Variants in ERC2 observed in about 807,000 individuals in gnomAD.
The protein encoded by ERC2 is ERC protein 2.
In ERC2, 42 loss-of-function variants were observed where a neutral mutation model predicts 114.8. The ratio of observed to expected loss-of-function variants is 0.37; its 90% CI spans 0.29 to 0.47. The LOEUF is 0.47. Among genes scored for constraint, ERC2 ranks in the 20% least tolerant of loss-of-function variants. ERC2 has a pLI of 0.99. For synonymous variants in ERC2, 454 were observed against 425.5 expected (o/e 1.07, Z -0.82); for missense variants, 939 against 1,150.7 (o/e 0.82, Z 2.66).
chr3:56,161,703 C>T (rs1167377564), intron 4 of ERC2, among the ~76,000 whole-genome samples: 5 of 152,096 alleles, frequency 3.3e-5, no homozygotes, highest in African/African-American at 1.2e-4. Flanking sequence ...TCAGCTTGAA[C>T]ACTATTGGTG....
At chr3:56,135,467 T>G (rs1007167421) in intron 6 of ERC2, among the ~76,000 whole-genome samples, 1 of 152,188 alleles carries the variant, frequency 6.6e-6, no homozygotes, top group Non-Finnish European at 1.5e-5. Flanking sequence ...AGTATTCAGG[T>G]GTGACCTGCC....
chr3:56,236,555 C>T (rs929661152), intron 3 of ERC2, among the ~76,000 whole-genome samples: 1 of 152,130 alleles, frequency 6.6e-6, no homozygotes, highest in Non-Finnish European at 1.5e-5. Flanking sequence ...TCACAGAAAA[C>T]GGTGTGCTTT....
At chr3:56,041,623 C>T (rs945891566) in intron 7 of ERC2, among the ~76,000 whole-genome samples, 11 of 152,116 alleles carry the variant, frequency 7.2e-5, no homozygotes, top group Non-Finnish European at 1.5e-4. Flanking sequence ...CTCCTTCTTC[C>T]TTTCCCTCTT....
intron 7 of ERC2, among the ~76,000 whole-genome samples, chr3:56,033,933 C>T (rs997450516): frequency 3.9e-5 from 6 of 152,102 alleles, no homozygotes; most frequent in African/African-American, 1.2e-4. Context: ...TACAGACTAG[C>T]AGCAGTAAGT....
intron 2 of ERC2, among the ~76,000 whole-genome samples, chr3:56,369,002 A>G (rs561102134): frequency 1.3e-5 from 2 of 152,272 alleles, no homozygotes; most frequent in East Asian, 1.9e-4. Context: ...GAGGATTCTC[A>G]GAGATCCTCT....
rs2061924922 is a variant in ERC2, at chr3:56,434,342, A to G, written c.657+9T>C. 6.2e-7 allele frequency: 1 copy of G among 1,611,668 alleles called. No individual in the cohort carries two copies. Among genetic ancestry groups the G allele is most frequent in the Non-Finnish European group, 8.5e-7 (1 of 1,179,078 alleles). On this transcript the variant is annotated intron_variant, in intron 2 of 17. Coordinates refer to ENST00000288221, the MANE Select transcript of ERC2 (RefSeq NM_015576.3). The stretch of plus-strand genomic sequence containing the variant: ...AGGCTGAAAAATACTGAGATGAGTC[A>G]TGACCTACCTGATTTTCTTCATGGG...
At chr3:56,444,683 A>G (rs2062479470) in intron 1 of ERC2, among the ~76,000 whole-genome samples, 1 of 152,188 alleles carries the variant, frequency 6.6e-6, no homozygotes, top group Non-Finnish European at 1.5e-5. Context: ...ATGGTCTGGA[A>G]CAGTCTATTT....
intron 17 of ERC2, among the ~76,000 whole-genome samples, chr3:55,561,862 C>T (rs1015112690): frequency 1.3e-5 from 2 of 152,166 alleles, no homozygotes; most frequent in African/African-American, 4.8e-5. Flanking sequence ...GGGCACAGAA[C>T]CTAAGCCAGC....
chr3:55,596,701 C>T (rs7613811), intron 17 of ERC2, among the ~76,000 whole-genome samples: 1 of 152,086 alleles, frequency 6.6e-6, no homozygotes, highest in East Asian at 1.9e-4. Context: ...CACTTGCACA[C>T]AGGAACAGAA....
rs767054115 is a variant in ERC2 at position 56,032,977 on chromosome 3, G to GAAAGAGAAAGAAAGAA, written c.1642-13947_1642-13946insTTCTTTCTTTCTCTTT. Among the ~76,000 whole-genome samples, 26 of 45,470 alleles carry GAAAGAGAAAGAAAGAA rather than the reference G, an allele frequency of 5.7e-4. 2 individuals are homozygous for GAAAGAGAAAGAAAGAA. Among genetic ancestry groups the GAAAGAGAAAGAAAGAA allele is most frequent in the East Asian group, 2.7e-3 (4 of 1,458 alleles). 29.8% of individuals were successfully genotyped at this position (45,470 alleles called of 152,430 possible). A position where few individuals can be genotyped will look rare whatever the true frequency, so the allele number is the denominator to read the frequency against. On this transcript the variant is annotated intron_variant, in intron 7 of 17. Coordinates refer to ENST00000288221, the MANE Select transcript of ERC2 (RefSeq NM_015576.3). ...AAAGAAACAGAAAGAAAGAAAGAAA[G>GAAAGAGAAAGAAAGAA]AGAAAGAAAGAAAGAAAGAAAGAAA...
chr3:56,304,611 G>C (rs145318980), intron 2 of ERC2, among the ~76,000 whole-genome samples: 3 of 152,130 alleles, frequency 2.0e-5, no homozygotes, highest in East Asian at 3.8e-4. Flanking sequence ...ACACTTAGAC[G>C]ATGAGTATTA....
chr3:55,709,622 G>A (rs903844243), intron 15 of ERC2, among the ~76,000 whole-genome samples: 5 of 152,180 alleles, frequency 3.3e-5, no homozygotes, highest in African/African-American at 1.2e-4. Flanking sequence ...TGACCTTCGC[G>A]CAGAAGTGGA....
At chr3:55,891,965 G>C (rs1004326880) in intron 13 of ERC2, among the ~76,000 whole-genome samples, 7 of 152,152 alleles carry the variant, frequency 4.6e-5, no homozygotes, top group African/African-American at 1.7e-4. Flanking sequence ...CTGATTGACT[G>C]TACATATGTA....
intron 17 of ERC2, among the ~76,000 whole-genome samples, chr3:55,678,725 C>T (rs948437408): frequency 2.0e-5 from 3 of 152,144 alleles, no homozygotes; most frequent in African/African-American, 7.2e-5. Flanking sequence ...TTCCCTTGGC[C>T]AGAGCGACTG....
At chr3:55,767,465 A>G (rs552071985) in intron 14 of ERC2, among the ~76,000 whole-genome samples, 1 of 152,136 alleles carries the variant, frequency 6.6e-6, no homozygotes, top group Non-Finnish European at 1.5e-5. Context: ...GTAAAACAGA[A>G]ACCCCTCTGT....
intron 14 of ERC2, among the ~76,000 whole-genome samples, chr3:55,745,199 G>T (rs1020062058): frequency 1.3e-5 from 2 of 152,170 alleles, no homozygotes; most frequent in Non-Finnish European, 2.9e-5. Context: ...CCACAGAAGA[G>T]TTGCATCCCA....
intron 13 of ERC2, among the ~76,000 whole-genome samples, chr3:55,907,477 CAT>C (rs1475862456): frequency 1.3e-5 from 2 of 152,298 alleles, no homozygotes; most frequent in African/African-American, 4.8e-5. Context: ...TGTAATGACC[CAT>C]ATTAGCATTA....
chr3:56,300,909 A>T (rs567057799), intron 2 of ERC2, among the ~76,000 whole-genome samples: 1 of 152,178 alleles, frequency 6.6e-6, no homozygotes, highest in African/African-American at 2.4e-5. Context: ...TAGTAAAAGC[A>T]GACAGGTAGG....
intron 7 of ERC2, among the ~76,000 whole-genome samples, chr3:56,026,246 C>T (rs574063450): frequency 1.3e-5 from 2 of 151,976 alleles, no homozygotes; most frequent in South Asian, 2.1e-4. Flanking sequence ...GATGGGGTTT[C>T]ACCATGTTGG....
Sources: allele counts gnomAD v4.1 joint callset (sites outside exome capture counted in the v4.1 genomes callset), GRCh38; gene constraint gnomAD v4.1.1; transcripts MANE v1.5; gene names NCBI Gene and HGNC (gene_info 2026-07-23, HGNC 2026-07-21).